Variants in PRDM11 observed in about 807,000 individuals in gnomAD.
The protein encoded by PRDM11 is PR/SET domain 11.
Under a neutral mutation model 97.8 loss-of-function variants are expected in PRDM11, and 20 were observed. That is an observed-to-expected ratio of 0.20 (90% CI 0.14 to 0.30). The LOEUF is 0.30. Among genes scored for constraint, PRDM11 ranks in the 10% least tolerant of loss-of-function variants. The pLI is 1.00. For synonymous variants in PRDM11, 599 were observed against 637.7 expected (o/e 0.94, Z 0.91); for missense variants, 1,139 against 1,555.2 (o/e 0.73, Z 4.50).
intron 1 of PRDM11, among the ~76,000 whole-genome samples, chr11:45,113,788 TTGTGTGTG>T (rs142584346): frequency 0.24 from 33,133 of 136,858 alleles, 4,612 homozygotes; most frequent in Admixed American, 0.36. Context: ...TGCTACTGAT[TTGTGTGTG>T]TGTGTGTGTG....
chr11:45,225,190 T>G, intron 7 of PRDM11: 1 of 1,205,278 alleles, frequency 8.3e-7, no homozygotes, highest in Non-Finnish European at 1.1e-6. Flanking sequence ...GTCCCCAGTC[T>G]CAAGCAGGGT....
At chr11:45,223,886 A>C (rs548648328) in intron 6 of PRDM11, among the ~76,000 whole-genome samples, 3 of 152,286 alleles carry the variant, frequency 2.0e-5, no homozygotes, top group African/African-American at 4.8e-5. Context: ...CAGTGTGATT[A>C]AGTGGGATGT....
At chr11:45,125,191 T>A (rs2135635616) in intron 1 of PRDM11, among the ~76,000 whole-genome samples, 1 of 152,200 alleles carries the variant, frequency 6.6e-6, no homozygotes, top group East Asian at 1.9e-4. Context: ...TGATATCCCC[T>A]TTATCATTTT....
rs1216055345 is a variant in PRDM11 at position 45,227,639 on chromosome 11, G to T, written c.3014G>T (p.Gly1005Val). ...AGCAGTGAGGAGCTGATGAGCTATG[G>T]CAAGGAGGATATGGTGCAAATATTT... ...PRSSEELMSY[G>V]KEDMVQIFDH... The change falls in exon 8 of 8, where the codon GGC becomes GTC. Residue 1005 changes from glycine to valine, a missense_variant. Gly to Val is a moderately radical substitution (Grantham distance 109, BLOSUM62 -3). This residue lies in a region of PRDM11 where 710 missense variants were observed against 1,044.9 expected (regional missense o/e 0.68). Coordinates refer to ENST00000683152, the MANE Select transcript of PRDM11 (RefSeq NM_001384648.1). The surrounding 1 kb of genome is among the most constrained non-coding windows in gnomAD (Gnocchi z 8.0). The T allele has an allele frequency of 6.5e-7, 1 of 1,533,956 alleles. No individual in the cohort carries two copies.
intron 1 of PRDM11, among the ~76,000 whole-genome samples, chr11:45,113,130 A>T (rs1852220505): frequency 6.6e-6 from 1 of 152,194 alleles, no homozygotes; most frequent in Non-Finnish European, 1.5e-5. Context: ...ATTTTTGTAT[A>T]AGGTGAGAAA....
At chr11:45,131,263 T>C (rs1425660496) in intron 1 of PRDM11, among the ~76,000 whole-genome samples, 4 of 152,202 alleles carry the variant, frequency 2.6e-5, no homozygotes, top group Non-Finnish European at 5.9e-5. Flanking sequence ...GAGGAACAAA[T>C]GATTCCCCCA....
At chr11:45,209,323 C>T in intron 5 of PRDM11, 1 of 354,740 alleles carries the variant, frequency 2.8e-6, no homozygotes, top group Non-Finnish European at 5.6e-6. Context: ...CCCCCGCCAC[C>T]CAGCCGGCTG....
Position 45,219,803 on chromosome 11 carries a change from G to A in PRDM11, c.742+46G>A, listed in dbSNP as rs753718135. ...GAGCTGCGCCCACCTCTGAGCCCCA[G>A]GGGAGGCCTGGATAGCTTGTTTTGG... On this transcript the variant is annotated intron_variant, in intron 6 of 7. Coordinates refer to ENST00000683152, the MANE Select transcript of PRDM11 (RefSeq NM_001384648.1). The surrounding 1 kb of genome is among the most constrained non-coding windows in gnomAD (Gnocchi z 4.2). 1.3e-6 allele frequency: 2 copies of A among 1,568,806 alleles called. No individual in the cohort carries two copies. The highest frequency in any genetic ancestry group is 1.8e-5 in the Admixed American group (1 of 55,614).
chr11:45,143,911 T>A (rs1405507446), upstream of PRDM11, among the ~76,000 whole-genome samples: 1 of 152,184 alleles, frequency 6.6e-6, no homozygotes, highest in Non-Finnish European at 1.5e-5. Flanking sequence ...ACTTCTGACT[T>A]TCAGGCCCAA....
Position 45,220,919 on chromosome 11 carries a change from G to GT in PRDM11, c.742+1169dup, listed in dbSNP as rs1854102559. Among the ~76,000 whole-genome samples the GT allele has an allele frequency of 3.3e-5, 5 of 151,854 alleles. No individual in the cohort carries two copies. The South Asian group carries it at 1.0e-3, about 32-fold the overall frequency. On this transcript the variant is annotated intron_variant, in intron 6 of 7. Coordinates refer to ENST00000683152, the MANE Select transcript of PRDM11 (RefSeq NM_001384648.1). ...GGGTGTTTTTTTTGTTTGTTTGTTT[G>GT]TTTTTTTCCCCACTAAAACCACGCA...
intron 1 of PRDM11, among the ~76,000 whole-genome samples, chr11:45,135,002 TG>T (rs1428569669): frequency 6.6e-6 from 1 of 152,002 alleles, no homozygotes; most frequent in African/African-American, 2.4e-5. Context: ...CCATTTTAGC[TG>T]GGCACAGTGG....
chr11:45,157,599 C>A (rs904933812), intron 1 of PRDM11, among the ~76,000 whole-genome samples: 17 of 152,250 alleles, frequency 1.1e-4, no homozygotes, highest in Admixed American at 3.3e-4. Flanking sequence ...TCCCAGAAGG[C>A]TGTTCCTCGA....
intron 1 of PRDM11, chr11:45,147,324 T>A (rs1257418102): frequency 2.0e-5 from 3 of 150,306 alleles, no homozygotes; most frequent in Non-Finnish European, 3.0e-5. Context: ...GCCAGAGGGC[T>A]CGCCGCGGCC....
chr11:45,200,027 A>G (rs1853272576), intron 4 of PRDM11, among the ~76,000 whole-genome samples: 2 of 152,194 alleles, frequency 1.3e-5, no homozygotes, highest in South Asian at 4.1e-4. Flanking sequence ...CTAGGCTGTG[A>G]GCTTTCTAAG....
chr11:45,169,058 C>T (rs1852138243), intron 1 of PRDM11, among the ~76,000 whole-genome samples: 1 of 152,188 alleles, frequency 6.6e-6, no homozygotes, highest in Admixed American at 6.5e-5. Flanking sequence ...GCCCCCTCTG[C>T]CTGCCTCACC....
intron 1 of PRDM11, among the ~76,000 whole-genome samples, chr11:45,168,837 C>T (rs941302170): frequency 6.6e-6 from 1 of 152,230 alleles, no homozygotes; most frequent in African/African-American, 2.4e-5. Context: ...ATCTTCCCAG[C>T]CGCCACTTTG....
chr11:45,124,678 A>G (rs1852523243), intron 1 of PRDM11, among the ~76,000 whole-genome samples: 1 of 152,212 alleles, frequency 6.6e-6, no homozygotes, highest in Non-Finnish European at 1.5e-5. Context: ...CTTGCATCCC[A>G]GGGATGAAGC....
In PRDM11 at chr11:45,166,100, CAA is replaced by C. The variant is rs534099192; in HGVS notation, c.-6-15660_-6-15659del. Among the ~76,000 whole-genome samples, 383 of 152,304 alleles carry C rather than the reference CAA, an allele frequency of 2.5e-3. 2 individuals are homozygous for C. Among genetic ancestry groups the C allele is most frequent in the African/African-American group, 9.0e-3 (373 of 41,552 alleles). On this transcript the variant is annotated intron_variant, in intron 1 of 7. Transcript: ENST00000683152. ...CAAACTGACTGAAACTCAAGTCAAACAAGAGTAGTCAAAAAATGGAATTTATG... is the reference window on the plus strand; with the variant it reads ...CAAACTGACTGAAACTCAAGTCAAACGAGTAGTCAAAAAATGGAATTTATG...
intron 1 of PRDM11, among the ~76,000 whole-genome samples, chr11:45,116,046 C>T (rs1206244262): frequency 6.6e-6 from 1 of 151,644 alleles, no homozygotes; most frequent in Non-Finnish European, 1.5e-5. Context: ...ATCAGAAAGG[C>T]ATGACAATTA....
Sources: gnomAD v4.1 joint callset for allele counts (sites outside exome capture counted in the v4.1 genomes callset) on GRCh38, gnomAD v4.1.1 for gene constraint, gnomAD v4.1.1 regional missense constraint, Gnocchi (gnomAD v3.1) non-coding constraint, MANE v1.5 for transcripts, NCBI Gene and HGNC (gene_info 2026-07-23, HGNC 2026-07-21) for gene names.